The following CSRNP3 variants were observed in gnomAD, a reference collection of about 807,000 sequenced individuals.
CSRNP3 encodes the protein cysteine and serine rich nuclear protein 3, also known as cysteine/serine-rich nuclear protein 3.
In CSRNP3, 12 loss-of-function variants were observed where a neutral mutation model predicts 48.0. The observed-to-expected ratio is 0.25, with a 90% CI of 0.16 to 0.41. The LOEUF (loss-of-function observed/expected upper bound fraction) is 0.41. CSRNP3 is among the 10% of genes least tolerant of loss of function. CSRNP3 has a pLI of 1.00. For missense variants in CSRNP3, 580 were observed against 724.4 expected (o/e 0.80, Z 2.29); for synonymous variants, 263 against 269.7 (o/e 0.98, Z 0.24).
intron 3 of CSRNP3, among the ~76,000 whole-genome samples, chr2:165,583,223 T>C (rs1033074294): frequency 3.3e-5 from 5 of 152,226 alleles, no homozygotes; most frequent in Admixed American, 2.0e-4. Context: ...CAGAAATATA[T>C]ATCCTTTTTT....
Position 165,679,077 on chromosome 2 carries a change from C to T in CSRNP3, c.1082C>T (p.Thr361Met), listed in dbSNP as rs543669496. ...SFCSGVTDSS[T>M]QSLAPSESDE... is the part of the protein sequence containing the mutation. Reference sequence around the variant, plus strand: ...TGCAGCGGAGTCACAGATTCTAGCACGCAAAGCTTGGCACCTAGTGAGTCA... The same window carrying T: ...TGCAGCGGAGTCACAGATTCTAGCATGCAAAGCTTGGCACCTAGTGAGTCA... The change falls in exon 7 of 7, where the codon ACG becomes ATG. Residue 361 changes from threonine to methionine, a missense_variant. Physicochemically the swap from Thr to Met is moderately conservative, Grantham distance 81. Transcript: ENST00000651982. The T allele has an allele frequency of 2.2e-5, 35 of 1,613,350 alleles. No homozygotes were observed. The highest frequency in any genetic ancestry group is 1.1e-4 in the East Asian group (5 of 44,796).
intron 6 of CSRNP3, among the ~76,000 whole-genome samples, chr2:165,677,446 C>T (rs190155698): frequency 1.2e-3 from 178 of 152,088 alleles, no homozygotes; most frequent in Admixed American, 6.7e-3. Context: ...GTCATTGGTG[C>T]GCTATGATTA....
chr2:165,514,398 G>A (rs1273466937), intron 2 of CSRNP3, among the ~76,000 whole-genome samples: 1 of 152,262 alleles, frequency 6.6e-6, no homozygotes, highest in African/African-American at 2.4e-5. Context: ...TGCAAAGGAA[G>A]AGTAGCTGCC....
intron 4 of CSRNP3, among the ~76,000 whole-genome samples, chr2:165,620,758 C>A (rs1686325272): frequency 6.6e-6 from 1 of 152,022 alleles, no homozygotes; most frequent in Non-Finnish European, 1.5e-5. Flanking sequence ...AAGGTGCCTC[C>A]TAATTTAGTG....
intron 2 of CSRNP3, among the ~76,000 whole-genome samples, chr2:165,512,836 G>T (rs912122873): frequency 6.6e-6 from 1 of 152,234 alleles, no homozygotes; most frequent in Non-Finnish European, 1.5e-5. Context: ...CGGGCATGGC[G>T]GCTCACGCCT....
chr2:165,550,994 G>A lies in CSRNP3; in HGVS notation c.-24+33033G>A, dbSNP rs76834637. Reference sequence around the variant, plus strand: ...AGACTTACTTTTTTTTTTCAATTCTGAAATCAACTTCTTAGATCTACTTTT... The same window carrying A: ...AGACTTACTTTTTTTTTTCAATTCTAAAATCAACTTCTTAGATCTACTTTT... On this transcript the variant is annotated intron_variant, in intron 3 of 6. Transcript: ENST00000651982. Among the ~76,000 whole-genome samples, 1,383 of 151,186 alleles carry A rather than the reference G, an allele frequency of 9.1e-3. 8 individuals carry two copies. The highest frequency in any genetic ancestry group is 0.012 in the Non-Finnish European group (809 of 67,786).
In CSRNP3 at chr2:165,683,707, G is replaced by A. The variant is rs1687583161; in HGVS notation, c.*3954G>A. 6.6e-6 allele frequency: 1 copy of A among 151,966 alleles called. No individual in the cohort carries two copies. The highest frequency in any genetic ancestry group is 2.4e-5 in the African/African-American group (1 of 41,396). 9.4% of individuals were successfully genotyped at this position (151,966 alleles called of 1,614,324 possible). A position where few individuals can be genotyped will look rare whatever the true frequency, so the allele number is the denominator to read the frequency against. ...CAACTGTCTTGGGTAGTAAAAAGAG[G>A]GGAACACTACAAATTATAATGGATA... On this transcript the variant is annotated 3_prime_UTR_variant, in exon 7 of 7. Transcript: ENST00000651982.
At chr2:165,597,478 A>G (rs1024864945) in intron 4 of CSRNP3, among the ~76,000 whole-genome samples, 2 of 152,174 alleles carry the variant, frequency 1.3e-5, no homozygotes, top group Non-Finnish European at 2.9e-5. Flanking sequence ...AAAATACCAG[A>G]TAGATTACAT....
intron 4 of CSRNP3, among the ~76,000 whole-genome samples, chr2:165,642,777 G>A (rs1686745392): frequency 6.6e-6 from 1 of 152,124 alleles, no homozygotes; most frequent in East Asian, 1.9e-4. Context: ...GGCCAGGCTG[G>A]TCTTGAACTC....
At chr2:165,574,414 G>T in intron 3 of CSRNP3, 1 of 1,549,396 alleles carries the variant, frequency 6.5e-7, no homozygotes, top group Non-Finnish European at 8.7e-7. Flanking sequence ...TGCCGTAGTC[G>T]TTATATAGTG....
chr2:165,585,033 T>C (rs373902198), intron 3 of CSRNP3, among the ~76,000 whole-genome samples: 100 of 152,330 alleles, frequency 6.6e-4, no homozygotes, highest in African/African-American at 2.4e-3. Context: ...ATTCACTGTT[T>C]GATTAACATA....
chr2:165,604,763 G>C (rs1685980515), intron 4 of CSRNP3, among the ~76,000 whole-genome samples: 1 of 151,912 alleles, frequency 6.6e-6, no homozygotes. Flanking sequence ...GAATTGGCTA[G>C]GAAAAAAGGG....
At chr2:165,639,051 T>C (rs556696575) in intron 4 of CSRNP3, among the ~76,000 whole-genome samples, 29 of 152,314 alleles carry the variant, frequency 1.9e-4, no homozygotes, top group African/African-American at 7.0e-4. Context: ...ATGTTGTTGA[T>C]TGATTAACAT....
intron 4 of CSRNP3, among the ~76,000 whole-genome samples, chr2:165,632,804 T>C (rs895214235): frequency 1.3e-5 from 2 of 152,200 alleles, no homozygotes; most frequent in Non-Finnish European, 2.9e-5. Flanking sequence ...ATTATCAAGT[T>C]GAGTTGAAAC....
In CSRNP3 at chr2:165,679,284, C is replaced by A; in HGVS notation, c.1289C>A (p.Ala430Asp). Residue 430 changes from alanine to aspartate, a missense_variant, in exon 7 of 7, where the codon GCC becomes GAC. Ala to Asp is a moderately radical substitution (Grantham distance 126, BLOSUM62 -2). Coordinates refer to ENST00000651982, the MANE Select transcript of CSRNP3 (RefSeq NM_001172173.2). ...ESHAKNASFY[A>D]NSSTLYYQID... ...CATGCAAAGAATGCTTCTTTTTATG[C>A]CAACTCTTCAACTCTGTATTACCAA... 6.2e-7 allele frequency: 1 copy of A among 1,613,876 alleles called. No individual in the cohort carries two copies. The highest frequency in any genetic ancestry group is 1.3e-5 in the African/African-American group (1 of 74,968).
At chr2:165,641,269 GT>G (rs1181337134) in intron 4 of CSRNP3, among the ~76,000 whole-genome samples, 1 of 152,128 alleles carries the variant, frequency 6.6e-6, no homozygotes, top group Non-Finnish European at 1.5e-5. Flanking sequence ...CCCCTGCATT[GT>G]CAGTGCTTAG....
intron 4 of CSRNP3, among the ~76,000 whole-genome samples, chr2:165,634,687 C>T (rs999850317): frequency 5.3e-5 from 8 of 152,186 alleles, no homozygotes; most frequent in Non-Finnish European, 1.2e-4. Flanking sequence ...AGTACCCAGG[C>T]CCTGTGCTAG....
intron 4 of CSRNP3, among the ~76,000 whole-genome samples, chr2:165,632,933 A>T (rs1168592014): frequency 2.0e-5 from 3 of 152,218 alleles, no homozygotes; most frequent in Admixed American, 6.5e-5. Flanking sequence ...AACACTTAGC[A>T]CTGTGGTAGA....
rs561785324 is a variant in CSRNP3, at chr2:165,508,446, G to A, written c.-112-9427G>A. On this transcript the variant is annotated intron_variant, in intron 2 of 6. Transcript: ENST00000651982. ...TGGATATCATCATACCACAGACTTC[G>A]TTTAATATTTCTTCCTTTCTTTCTT... 9.2e-5 allele frequency among the ~76,000 whole-genome samples: 14 copies of A among 152,126 alleles called. 1 individual carries two copies. The highest frequency in any genetic ancestry group is 2.6e-4 in the African/African-American group (11 of 41,520).
Sources: allele counts gnomAD v4.1 joint callset (sites outside exome capture counted in the v4.1 genomes callset), GRCh38; gene constraint gnomAD v4.1.1; transcripts MANE v1.5; gene names NCBI Gene and HGNC (gene_info 2026-07-23, HGNC 2026-07-21).